Variants in OSBPL6 observed in about 807,000 individuals in gnomAD.
OSBPL6 encodes oxysterol binding protein like 6, also known as oxysterol-binding protein-related protein 6.
OSBPL6 carries 49 observed loss-of-function variants against 125.8 expected under a neutral mutation model. That is an observed-to-expected ratio of 0.39 (90% CI 0.31 to 0.49). The LOEUF is 0.49. OSBPL6 is among the 20% of genes least tolerant of loss of function. The probability of loss-of-function intolerance (pLI) is 0.88; values close to 1 mark genes in which losing one functional copy is unlikely to be tolerated. For synonymous variants in OSBPL6, 394 were observed against 391.8 expected, an observed-to-expected ratio of 1.01 and a Z score of -0.07; for missense variants, 986 against 1,135.4, an observed-to-expected ratio of 0.87 and a Z score of 1.89.
At chr2:178,276,759 C>A (rs1178148081) in intron 1 of OSBPL6, among the ~76,000 whole-genome samples, 1 of 151,442 alleles carries the variant, frequency 6.6e-6, no homozygotes, top group Non-Finnish European at 1.5e-5. Context: ...TTTTGTTTTC[C>A]CTTTTATTAC....
chr2:178,383,910 T>C (rs1447426388), intron 17 of OSBPL6, 129 bp from the exon 18 acceptor site: 2 of 1,118,288 alleles, frequency 1.8e-6, no homozygotes, highest in East Asian at 2.4e-5. Flanking sequence ...GTACAGACAA[T>C]AGAAAATGCA....
intron 1 of OSBPL6, among the ~76,000 whole-genome samples, chr2:178,229,851 G>GA (rs879927736): frequency 2.6e-5 from 4 of 151,756 alleles, no homozygotes; most frequent in Non-Finnish European, 5.9e-5. Flanking sequence ...GAAAGAAAAA[G>GA]AAAAAAAAGA....
At chr2:178,200,612 G>T (rs1347418556) in intron 1 of OSBPL6, among the ~76,000 whole-genome samples, 1 of 151,796 alleles carries the variant, frequency 6.6e-6, no homozygotes, top group Non-Finnish European at 1.5e-5. Context: ...TTTTTCCTCT[G>T]CTGGCATAGA....
chr2:178,338,028 G>A (rs942316747), intron 9 of OSBPL6, among the ~76,000 whole-genome samples: 15 of 147,712 alleles, frequency 1.0e-4, no homozygotes, highest in East Asian at 4.1e-4. Context: ...TGCAACCTCC[G>A]CCTCCCTGGT....
At chr2:178,265,082 A>G (rs1050106105) in intron 1 of OSBPL6, among the ~76,000 whole-genome samples, 8 of 136,104 alleles carry the variant, frequency 5.9e-5, no homozygotes, top group South Asian at 2.5e-4. Context: ...CTCTGTTGCT[A>G]TGTTGTACTG....
At chr2:178,253,504 A>G (rs2091771805) in intron 1 of OSBPL6, among the ~76,000 whole-genome samples, 1 of 152,192 alleles carries the variant, frequency 6.6e-6, no homozygotes, top group Non-Finnish European at 1.5e-5. Context: ...CCTTGTTAAT[A>G]ATTCAGTGAT....
chr2:178,332,598 A>T, intron 6 of OSBPL6, 43 bp from the exon 7 acceptor site: 1 of 1,413,338 alleles, frequency 7.1e-7, no homozygotes, highest in Non-Finnish European at 1.0e-6. Flanking sequence ...GAAACATCAA[A>T]TCATATATCC....
chr2:178,243,077 C>G (rs1243425734), intron 1 of OSBPL6, among the ~76,000 whole-genome samples: 1 of 151,910 alleles, frequency 6.6e-6, no homozygotes, highest in African/African-American at 2.4e-5. Context: ...ATCAATAACT[C>G]TGTGTAGTCG....
At chr2:178,374,376 G>T (rs1693677157) in intron 15 of OSBPL6, among the ~76,000 whole-genome samples, 2 of 152,098 alleles carry the variant, frequency 1.3e-5, no homozygotes, top group African/African-American at 2.4e-5. Context: ...AAGAATGAGA[G>T]AATTAGGAAA....
intron 12 of OSBPL6, among the ~76,000 whole-genome samples, chr2:178,350,657 G>T (rs1212009279): frequency 1.3e-5 from 2 of 152,082 alleles, no homozygotes; most frequent in East Asian, 1.9e-4. Flanking sequence ...TTTTACTCCT[G>T]GTGTATGTTC....
chr2:178,282,756 A>G (rs1684327223), intron 1 of OSBPL6, among the ~76,000 whole-genome samples: 1 of 152,144 alleles, frequency 6.6e-6, no homozygotes, highest in Non-Finnish European at 1.5e-5. Context: ...GTTTCAAGCG[A>G]TTCTCCTGCC....
chr2:178,387,046 C>G lies in OSBPL6; in HGVS notation c.2078-15C>G, dbSNP rs771144279. On this transcript the variant is annotated splice_polypyrimidine_tract_variant and intron_variant, in intron 19 of 24. Transcript: ENST00000190611. ...ATGGGGTATGTATTTCTTGTCCTCT[C>G]CCTATGTCATTTAGATATCAGATGG... The G allele has an allele frequency of 5.1e-6, 8 of 1,563,420 alleles. No individual in the cohort carries two copies. In the South Asian group the frequency reaches 8.9e-5, roughly 17 times the overall value.
At chr2:178,201,407 G>A (rs1023409418) in intron 1 of OSBPL6, among the ~76,000 whole-genome samples, 1 of 150,764 alleles carries the variant, frequency 6.6e-6, no homozygotes, top group Non-Finnish European at 1.5e-5. Flanking sequence ...TTGAGATGAG[G>A]GTCTCACTAT....
At chr2:178,348,367 A>C (rs1416816129) in intron 11 of OSBPL6, among the ~76,000 whole-genome samples, 3 of 152,224 alleles carry the variant, frequency 2.0e-5, no homozygotes, top group African/African-American at 7.2e-5. Context: ...TCTGATTTGC[A>C]GGAAGAATTG....
At chr2:178,255,348 C>T (rs765402429) in intron 1 of OSBPL6, among the ~76,000 whole-genome samples, 3 of 152,152 alleles carry the variant, frequency 2.0e-5, no homozygotes, top group Admixed American at 6.5e-5. Context: ...AAAAACAGAG[C>T]GTGTGCAGGG....
intron 3 of OSBPL6, among the ~76,000 whole-genome samples, chr2:178,306,779 A>C (rs1686803109): frequency 6.6e-6 from 1 of 152,208 alleles, no homozygotes; most frequent in Non-Finnish European, 1.5e-5. Context: ...AACCCAAACA[A>C]TGTTTACAGG....
intron 1 of OSBPL6, among the ~76,000 whole-genome samples, chr2:178,218,025 A>G (rs1405611114): frequency 6.6e-6 from 1 of 152,200 alleles, no homozygotes; most frequent in East Asian, 1.9e-4. Flanking sequence ...GAGTGAAGAT[A>G]TGGACGTTCT....
chr2:178,344,466 T>C (rs1690514736), intron 11 of OSBPL6: 2 of 1,055,582 alleles, frequency 1.9e-6, no homozygotes, highest in Non-Finnish European at 2.9e-6. Context: ...TGGCATCACC[T>C]GTAGCCCAAT....
At chr2:178,360,205 A>G (rs567021246) in intron 12 of OSBPL6, among the ~76,000 whole-genome samples, 1 of 152,218 alleles carries the variant, frequency 6.6e-6, no homozygotes, top group African/African-American at 2.4e-5. Flanking sequence ...GACTACCAGG[A>G]TGGCAGTGGA....
Sources: allele counts gnomAD v4.1 joint callset (sites outside exome capture counted in the v4.1 genomes callset), GRCh38; gene constraint gnomAD v4.1.1; transcripts MANE v1.5; gene names NCBI Gene and HGNC (gene_info 2026-07-23, HGNC 2026-07-21).